The following PPFIA2 variants were observed in gnomAD, a reference collection of about 807,000 sequenced individuals.
PPFIA2 encodes the protein liprin-alpha-2.
In PPFIA2, 46 loss-of-function variants were observed where a neutral mutation model predicts 175.5. The ratio of observed to expected loss-of-function variants is 0.26; its 90% CI spans 0.21 to 0.34. The LOEUF (loss-of-function observed/expected upper bound fraction) is 0.34, where lower values mean the gene tolerates loss of function less well. Ranked by LOEUF, PPFIA2 falls within the 10% of genes least tolerant of loss-of-function variation. PPFIA2 has a pLI of 1.00. For synonymous variants in PPFIA2, 568 were observed against 511.4 expected (o/e 1.11, Z -1.49); for missense variants, 1,179 against 1,506.1 (o/e 0.78, Z 3.60).
intron 4 of PPFIA2, among the ~76,000 whole-genome samples, chr12:81,668,472 C>T (rs2070783538): frequency 6.6e-6 from 1 of 152,066 alleles, no homozygotes. Flanking sequence ...TTTATTTCTT[C>T]TCTTACCTTA....
At chr12:81,438,470 TCAAAACAAAAAACAAAA>T (rs1185650010) in intron 7 of PPFIA2, among the ~76,000 whole-genome samples, 2 of 152,060 alleles carry the variant, frequency 1.3e-5, no homozygotes, top group Non-Finnish European at 2.9e-5. Context: ...AGACTCCGTC[TCAAAACAAAAAACAAAA>T]CAAAACAAAA....
Position 81,295,016 on chromosome 12 carries a change from G to A in PPFIA2, c.2744C>T (p.Ala915Val). 6.2e-7 allele frequency: 1 copy of A among 1,613,406 alleles called. No homozygotes were observed. Among genetic ancestry groups the A allele is most frequent in the Middle Eastern group, 1.7e-4 (1 of 6,058 alleles). ...AWLELWLGMP[A>V]WYVAACRANV... ...GGCTCGGCAGGCTGCCACGTACCAC[G>A]CAGGCATTCCCAACCAAAGCTGTTA... The change falls in exon 24 of 33, where the codon GCG becomes GTG. Residue 915 changes from alanine (A) to valine (V), a missense_variant. Ala to Val is a moderately conservative substitution (Grantham distance 64, BLOSUM62 0). Around this residue, in one of 10 missense-constraint regions of PPFIA2, gnomAD observed 44 missense variants for 81.3 expected, o/e 0.54. Transcript: ENST00000549396.
intron 7 of PPFIA2, among the ~76,000 whole-genome samples, chr12:81,429,665 A>C (rs1358732837): frequency 6.6e-6 from 1 of 152,100 alleles, no homozygotes; most frequent in Admixed American, 6.6e-5. Context: ...GAAAAGTTAT[A>C]ACACTGATTT....
chr12:81,593,961 T>A (rs1186776127), intron 4 of PPFIA2, among the ~76,000 whole-genome samples: 2 of 152,174 alleles, frequency 1.3e-5, no homozygotes, highest in African/African-American at 4.8e-5. Context: ...CAAAGCTTCA[T>A]CTGTATTTAC....
At chr12:81,753,610 A>G (rs1006606026) in intron 3 of PPFIA2, among the ~76,000 whole-genome samples, 11 of 152,166 alleles carry the variant, frequency 7.2e-5, no homozygotes, top group Admixed American at 4.6e-4. Flanking sequence ...TGAAAAATAC[A>G]TATTTCCAAA....
chr12:81,264,078 A>G (rs1401921294), intron 30 of PPFIA2, among the ~76,000 whole-genome samples: 2 of 152,286 alleles, frequency 1.3e-5, no homozygotes, highest in Admixed American at 6.5e-5. Context: ...TGTGTATTTT[A>G]ATATACACAG....
At chr12:81,406,160 T>C (rs999931268) in intron 7 of PPFIA2, among the ~76,000 whole-genome samples, 9 of 152,178 alleles carry the variant, frequency 5.9e-5, no homozygotes, top group African/African-American at 1.7e-4. Context: ...AGAAAATATT[T>C]TCTTGTTGGA....
intron 7 of PPFIA2, among the ~76,000 whole-genome samples, chr12:81,426,706 A>C (rs2047197487): frequency 6.6e-6 from 1 of 152,004 alleles, no homozygotes; most frequent in Admixed American, 6.6e-5. Context: ...CCAAGAGTTC[A>C]GTTATTTGGA....
intron 4 of PPFIA2, among the ~76,000 whole-genome samples, chr12:81,641,623 T>A (rs1285820223): frequency 6.6e-6 from 1 of 152,122 alleles, no homozygotes; most frequent in East Asian, 1.9e-4. Context: ...CACAATATGA[T>A]GAGTCGTCTC....
intron 7 of PPFIA2, among the ~76,000 whole-genome samples, chr12:81,432,417 A>G (rs994051855): frequency 5.3e-5 from 8 of 151,676 alleles, no homozygotes; most frequent in Non-Finnish European, 7.4e-5. Flanking sequence ...TTAGTTTTTA[A>G]CATTAACAGG....
intron 3 of PPFIA2, among the ~76,000 whole-genome samples, chr12:81,709,111 T>TC (rs2077563417): frequency 6.6e-6 from 1 of 152,128 alleles, no homozygotes; most frequent in Admixed American, 6.6e-5. Context: ...TCTTTCTTAT[T>TC]GTTCAGGTTC....
Position 81,268,019 on chromosome 12 carries a change from T to C in PPFIA2, c.3379A>G (p.Asn1127Asp). 4 of 1,596,818 alleles carry C rather than the reference T, an allele frequency of 2.5e-6. No homozygotes were observed. The highest frequency in any genetic ancestry group is 1.7e-5 in the Admixed American group (1 of 57,822). ...TGCACACCGCTCTCAAGTATATTATTTGCATATTCTCGAAGTCCAATTGCT... is the reference window on the plus strand; with the variant it reads ...TGCACACCGCTCTCAAGTATATTATCTGCATATTCTCGAAGTCCAATTGCT... ...IQAIGLREYA[N>D]NILESGVHGS... is the part of the protein sequence containing the mutation. Residue 1127 changes from asparagine (N) to aspartate (D), a missense_variant, in exon 29 of 33, where the codon AAT becomes GAT. Physicochemically the swap from Asn to Asp is conservative, Grantham distance 23. Around this residue, in one of 10 missense-constraint regions of PPFIA2, gnomAD observed 245 missense variants for 375.1 expected, o/e 0.65. Coordinates refer to ENST00000549396, the MANE Select transcript of PPFIA2 (RefSeq NM_003625.5).
chr12:81,550,952 A>G (rs967741341), intron 4 of PPFIA2, among the ~76,000 whole-genome samples: 59 of 152,036 alleles, frequency 3.9e-4, no homozygotes, highest in African/African-American at 1.4e-3. Flanking sequence ...AGAAGGAGGG[A>G]GTTATCAATG....
At chr12:81,403,893 C>T (rs2042472203) in intron 8 of PPFIA2, among the ~76,000 whole-genome samples, 2 of 152,122 alleles carry the variant, frequency 1.3e-5, no homozygotes, top group Admixed American at 6.6e-5. Flanking sequence ...ATTCAGAGGT[C>T]AAATTGCACA....
intron 8 of PPFIA2, among the ~76,000 whole-genome samples, chr12:81,390,848 A>G (rs1167383551): frequency 6.6e-6 from 1 of 151,712 alleles, no homozygotes; most frequent in African/African-American, 2.4e-5. Context: ...TTTCTAAAAA[A>G]TCAATCCCCA....
intron 7 of PPFIA2, among the ~76,000 whole-genome samples, chr12:81,422,637 T>A (rs1471914291): frequency 6.6e-6 from 1 of 152,104 alleles, no homozygotes; most frequent in Non-Finnish European, 1.5e-5. Context: ...CAGGAGCTCT[T>A]ATAATAACCC....
intron 4 of PPFIA2, among the ~76,000 whole-genome samples, chr12:81,606,126 T>C (rs768825416): frequency 6.6e-6 from 1 of 151,996 alleles, no homozygotes; most frequent in Non-Finnish European, 1.5e-5. Context: ...CAGCTCCATC[T>C]ATGTTTCTGC....
intron 3 of PPFIA2, among the ~76,000 whole-genome samples, chr12:81,697,581 C>A (rs1253277592): frequency 6.6e-6 from 1 of 152,114 alleles, no homozygotes; most frequent in Non-Finnish European, 1.5e-5. Context: ...CAAGACAATT[C>A]AAATTCTTTA....
At chr12:81,538,066 C>T (rs963423184) in intron 4 of PPFIA2, among the ~76,000 whole-genome samples, 2 of 151,836 alleles carry the variant, frequency 1.3e-5, no homozygotes, top group African/African-American at 4.8e-5. Context: ...GAGCACAATT[C>T]TTGGATTGAA....
Sources: gnomAD v4.1 joint callset for allele counts (sites outside exome capture counted in the v4.1 genomes callset) on GRCh38, gnomAD v4.1.1 for gene constraint, gnomAD v4.1.1 regional missense constraint, MANE v1.5 for transcripts, NCBI Gene and HGNC (gene_info 2026-07-23, HGNC 2026-07-21) for gene names.